Variants in DLL4 observed in about 807,000 individuals in gnomAD.
The protein encoded by DLL4 is delta like canonical Notch ligand 4, also known as delta-like protein 4.
Under a neutral mutation model 73.6 loss-of-function variants are expected in DLL4, and 7 were observed. The ratio of observed to expected loss-of-function variants is 0.10; its 90% CI spans 0.05 to 0.18. The LOEUF is 0.18. Ranked by LOEUF, DLL4 falls within the 10% of genes least tolerant of loss-of-function variation. The probability of loss-of-function intolerance (pLI) is 1.00; values close to 1 mark genes in which losing one functional copy is unlikely to be tolerated. For synonymous variants in DLL4, 345 were observed against 374.3 expected (o/e 0.92, Z 0.90); for missense variants, 614 against 929.9 (o/e 0.66, Z 4.42).
In DLL4 at chr15:40,929,367, A is replaced by C; in HGVS notation, c.-302A>C. On this transcript the variant is annotated 5_prime_UTR_variant, in exon 1 of 11. Transcript: ENST00000249749. The surrounding 1 kb of genome is among the most constrained non-coding windows in gnomAD (Gnocchi z 7.1). ...TAGCGGCGCTGCGCGCAGGCCGGGA[A>C]CACGAGGCCAAGAGCCGCAGCCCCA... 5.0e-6 allele frequency: 2 copies of C among 403,752 alleles called. No individual in the cohort carries two copies. The highest frequency in any genetic ancestry group is 4.4e-6 in the Non-Finnish European group (1 of 228,384). 25.0% of individuals were successfully genotyped at this position (403,752 alleles called of 1,614,324 possible).
chr15:40,930,822 G>T lies in DLL4; in HGVS notation c.394+140G>T. 1.2e-6 allele frequency: 1 copy of T among 845,938 alleles called. No individual in the cohort carries two copies. Among genetic ancestry groups the T allele is most frequent in the Admixed American group, 2.5e-5 (1 of 40,674 alleles). 52.4% of individuals were successfully genotyped at this position (845,938 alleles called of 1,614,324 possible). A position where few individuals can be genotyped will look rare whatever the true frequency, so the allele number is the denominator to read the frequency against. On this transcript the variant is annotated intron_variant, in intron 3 of 10. Coordinates refer to ENST00000249749, the MANE Select transcript of DLL4 (RefSeq NM_019074.4). The surrounding 1 kb of genome is among the most constrained non-coding windows in gnomAD (Gnocchi z 5.7). ...TGGCCTGGAGCTGCGCCCCGCGCTG[G>T]ACGCTCGGATTCCGCTCGCTGCCTG... is the stretch of plus-strand genomic sequence containing the variant.
chr15:40,930,807 C>G lies in DLL4; in HGVS notation c.394+125C>G. ...GCAGGACGCTTAGCTTGGCCTGGAG[C>G]TGCGCCCCGCGCTGGACGCTCGGAT... is the stretch of plus-strand genomic sequence containing the variant. On this transcript the variant is annotated intron_variant, in intron 3 of 10. Coordinates refer to ENST00000249749, the MANE Select transcript of DLL4 (RefSeq NM_019074.4). This position sits in a 1 kb window ranked among gnomAD's most constrained non-coding sequence, Gnocchi z 5.7. 4 of 960,674 alleles carry G rather than the reference C, an allele frequency of 4.2e-6. No individual in the cohort carries two copies. The highest frequency in any genetic ancestry group is 6.3e-6 in the Non-Finnish European group (4 of 630,208). The allele number at this position is 960,674 out of a possible 1,614,324, so 59.5% of individuals were successfully genotyped here.
chr15:40,930,010 G>C lies in DLL4; in HGVS notation c.230G>C (p.Gly77Ala), dbSNP rs1566877825. ...GTCTCGCCCGGACCCTGCACCTTCGGGACCGTCTCCACGCCGGTATTGGGC... is the reference window on the plus strand; with the variant it reads ...GTCTCGCCCGGACCCTGCACCTTCGCGACCGTCTCCACGCCGGTATTGGGC... ...AVVSPGPCTFGTVSTPVLGTN... is the reference protein window; with the variant it reads ...AVVSPGPCTFATVSTPVLGTN... The change falls in exon 2 of 11, where the codon GGG (glycine) becomes GCG (alanine). Residue 77 changes from glycine to alanine, a missense_variant. By Grantham distance (60) the Gly-to-Ala change is moderately conservative. Around this residue, in one of 3 missense-constraint regions of DLL4, gnomAD observed 227 missense variants for 370.8 expected, o/e 0.61. Coordinates refer to ENST00000249749, the MANE Select transcript of DLL4 (RefSeq NM_019074.4). This position sits in a 1 kb window ranked among gnomAD's most constrained non-coding sequence, Gnocchi z 5.7. 2 of 1,612,968 alleles carry C rather than the reference G, an allele frequency of 1.2e-6. No individual in the cohort carries two copies. The highest frequency in any genetic ancestry group is 1.7e-6 in the Non-Finnish European group (2 of 1,179,708).
Position 40,930,155 on chromosome 15 carries a change from C to G in DLL4, c.336+39C>G, listed in dbSNP as rs764616123. The stretch of plus-strand genomic sequence containing the variant: ...GGGCGCACTGGGAGGTCGCAGAAGC[C>G]GAGAGAGGAGGCGCCCTGGGACCAA... On this transcript the variant is annotated intron_variant, in intron 2 of 10. Coordinates refer to ENST00000249749, the MANE Select transcript of DLL4 (RefSeq NM_019074.4). This position sits in a 1 kb window ranked among gnomAD's most constrained non-coding sequence, Gnocchi z 5.7. 2.5e-6 allele frequency: 4 copies of G among 1,589,538 alleles called. No homozygotes were observed. The East Asian group carries it at 9.1e-5, about 36-fold the overall frequency.
chr15:40,929,972 C>T lies in DLL4; in HGVS notation c.192C>T (p.His64=). The T allele has an allele frequency of 6.2e-7, 1 of 1,613,316 alleles. No homozygotes were observed. The highest frequency in any genetic ancestry group is 1.1e-5 in the South Asian group (1 of 91,066). Residue 64 remains histidine (H), a synonymous_variant, in exon 2 of 11, where the codon CAC becomes CAT. Coordinates refer to ENST00000249749, the MANE Select transcript of DLL4 (RefSeq NM_019074.4). This position sits in a 1 kb window ranked among gnomAD's most constrained non-coding sequence, Gnocchi z 7.1. ...CRTFFRVCLK[H]FQAVVSPGPC... ...CTTTCTTCCGCGTCTGCCTTAAGCACTTCCAGGCGGTCGTCTCGCCCGGAC... is the reference window on the plus strand; with the variant it reads ...CTTTCTTCCGCGTCTGCCTTAAGCATTTCCAGGCGGTCGTCTCGCCCGGAC...
Position 40,937,519 on chromosome 15 carries a change from C to T in DLL4, c.2045C>T (p.Ala682Val), listed in dbSNP as rs2140372115. ...ISEERNECVI[A>V]TEV ...GAGGAGAGGAATGAATGTGTCATTG[C>T]CACGGAGGTGAGTGCTGGGCTCGCC... is the stretch of plus-strand genomic sequence containing the variant. The change falls in exon 10 of 11, where the codon GCC becomes GTC. Residue 682 changes from alanine (A) to valine (V), a missense_variant. This residue lies in a region of DLL4 where 386 missense variants were observed against 541.3 expected (regional missense o/e 0.71). Transcript: ENST00000249749. 2.5e-6 allele frequency: 4 copies of T among 1,607,362 alleles called. No homozygotes were observed. Among genetic ancestry groups the T allele is most frequent in the Non-Finnish European group, 3.4e-6 (4 of 1,173,808 alleles).
Position 40,934,911 on chromosome 15 carries a change from G to A in DLL4, c.1034G>A (p.Gly345Asp), listed in dbSNP as rs1892821342. 3.1e-6 allele frequency: 5 copies of A among 1,613,594 alleles called. No individual in the cohort carries two copies. The highest frequency in any genetic ancestry group is 4.2e-6 in the Non-Finnish European group (5 of 1,179,846). ...NGGSCKDQED[G>D]YHCLCPPGYY... ...GTCTCTCTCCAGGACCAGGAGGATG[G>A]CTACCACTGCCTGTGTCCTCCGGGC... The change falls in exon 8 of 11, where the codon GGC (glycine) becomes GAC (aspartate). Residue 345 changes from glycine (G) to aspartate (D), a missense_variant. By Grantham distance (94) the Gly-to-Asp change is moderately conservative (BLOSUM62 -1). Coordinates refer to ENST00000249749, the MANE Select transcript of DLL4 (RefSeq NM_019074.4).
chr15:40,930,040 A>G lies in DLL4; in HGVS notation c.260A>G (p.Asn87Ser), dbSNP rs2140368474. ...GTCTCCACGCCGGTATTGGGCACCA[A>G]CTCCTTCGCTGTCCGGGACGACAGT... The part of the protein sequence containing the change: ...GTVSTPVLGT[N>S]SFAVRDDSSG... The change falls in exon 2 of 11, where the codon AAC becomes AGC. Residue 87 changes from asparagine to serine, a missense_variant. Physicochemically the swap from Asn to Ser is conservative, Grantham distance 46 (BLOSUM62 1). Coordinates refer to ENST00000249749, the MANE Select transcript of DLL4 (RefSeq NM_019074.4). This position sits in a 1 kb window ranked among gnomAD's most constrained non-coding sequence, Gnocchi z 5.7. The G allele has an allele frequency of 6.2e-7, 1 of 1,611,776 alleles. No individual in the cohort carries two copies. The highest frequency in any genetic ancestry group is 1.7e-5 in the Admixed American group (1 of 59,828).
chr15:40,937,297 G>A (rs1343672235), intron 9 of DLL4, 121 bp from the exon 10 acceptor site: 4 of 764,444 alleles, frequency 5.2e-6, no homozygotes, highest in South Asian at 1.5e-5. Context: ...CACTGGGCAC[G>A]TCCAGCCCCT....
In DLL4 at chr15:40,936,418, G is replaced by T. The variant is rs540754224; in HGVS notation, c.1431G>T (p.Val477=). The part of the protein sequence containing the change: ...PAGFSGRRCE[V]RTSIDACASS... ...GCTTCTCTGGCCGACGCTGTGAGGT[G>T]CGGACATCCATCGATGCCTGTGCCT... is the stretch of plus-strand genomic sequence containing the variant. The change falls in exon 9 of 11, where the codon GTG becomes GTT. Residue 477 remains valine (V), a synonymous_variant. Coordinates refer to ENST00000249749, the MANE Select transcript of DLL4 (RefSeq NM_019074.4). The T allele has an allele frequency of 1.9e-6, 3 of 1,611,618 alleles. No homozygotes were observed. In the Admixed American group the frequency reaches 5.0e-5, roughly 27 times the overall value.
Position 40,929,660 on chromosome 15 carries a change from C to A in DLL4, c.-9C>A. 1 of 1,533,326 alleles carries A rather than the reference C, an allele frequency of 6.5e-7. No individual in the cohort carries two copies. Among genetic ancestry groups the A allele is most frequent in the Non-Finnish European group, 8.7e-7 (1 of 1,150,194 alleles). The allele number at this position is 1,533,326 out of a possible 1,614,324, so 95.0% of individuals were successfully genotyped here. On this transcript the variant is annotated 5_prime_UTR_variant, in exon 1 of 11. Transcript: ENST00000249749. This position sits in a 1 kb window ranked among gnomAD's most constrained non-coding sequence, Gnocchi z 7.1. The stretch of plus-strand genomic sequence containing the variant: ...GGGCCCGCGGGTGGAGAGAGCGACG[C>A]CCGAGGGGATGGCGGCAGCGTCCCG...
chr15:40,930,731 G>GAAAGAGTT lies in DLL4; in HGVS notation c.394+52_394+59dup. The GAAAGAGTT allele has an allele frequency of 2.5e-6, 4 of 1,578,176 alleles. No homozygotes were observed. Among genetic ancestry groups the GAAAGAGTT allele is most frequent in the Non-Finnish European group, 3.5e-6 (4 of 1,149,734 alleles). ...CAGGGGGGCGACACGGCGCAGCGCC[G>GAAAGAGTT]AAAGAGTTAATCTGTTCTAGGCGGG... On this transcript the variant is annotated intron_variant, in intron 3 of 10. Transcript: ENST00000249749. This position sits in a 1 kb window ranked among gnomAD's most constrained non-coding sequence, Gnocchi z 5.7.
intron 6 of DLL4, among the ~76,000 whole-genome samples, chr15:40,933,009 G>A (rs935623253): frequency 6.6e-6 from 1 of 152,238 alleles, no homozygotes; most frequent in Admixed American, 6.5e-5. Flanking sequence ...TCTACCTGGT[G>A]TTTAGGGGTA....
At chr15:40,937,636 AG>A in intron 10 of DLL4, 110 bp downstream of exon 10, 1 of 834,786 alleles carries the variant, frequency 1.2e-6, no homozygotes, top group Non-Finnish European at 2.1e-6. Context: ...CTGCCTTGGC[AG>A]GCCAAGTTCA....
At chr15:40,933,474 A>G (rs1369477302) in intron 6 of DLL4, among the ~76,000 whole-genome samples, 3 of 152,124 alleles carry the variant, frequency 2.0e-5, no homozygotes, top group East Asian at 1.9e-4. Flanking sequence ...TGTCCTTCCC[A>G]AATAAAAAAA....
At chr15:40,931,161 C>T (rs1432630684) in intron 3 of DLL4, 1 of 425,486 alleles carries the variant, frequency 2.4e-6, no homozygotes, top group East Asian at 4.2e-5. Flanking sequence ...CCTCTCTAGC[C>T]TGGGGAGCTT....
chr15:40,931,712 C>G lies in DLL4; in HGVS notation c.604C>G (p.Pro202Ala). The change falls in exon 4 of 11, where the codon CCA (proline) becomes GCA (alanine). Residue 202 changes from proline (P) to alanine (A), a missense_variant. Coordinates refer to ENST00000249749, the MANE Select transcript of DLL4 (RefSeq NM_019074.4). ...CCACTTCGGCCACTATGTGTGCCAG[C>G]CAGATGGCAACTTGTCCTGCCTGCC... Reference protein sequence around the residue: ...NDHFGHYVCQPDGNLSCLPGW... With the variant: ...NDHFGHYVCQADGNLSCLPGW... 1.9e-6 allele frequency: 3 copies of G among 1,613,844 alleles called. No individual in the cohort carries two copies. The highest frequency in any genetic ancestry group is 2.5e-6 in the Non-Finnish European group (3 of 1,179,878).
intron 4 of DLL4, 81 bp downstream of exon 4, chr15:40,931,847 C>T (rs1342600333): frequency 5.2e-6 from 8 of 1,551,904 alleles, no homozygotes; most frequent in Non-Finnish European, 7.0e-6. Flanking sequence ...CACAGCTTGC[C>T]TCCCTTGAAG....
chr15:40,936,939 C>A lies in DLL4; in HGVS notation c.1943+9C>A. ...CCACTGCGGTTACACAGGTGAGTGG[C>A]ACCCAGAAGCCCAGGGCCTGGCCAC... On this transcript the variant is annotated intron_variant, in intron 9 of 10. Coordinates refer to ENST00000249749, the MANE Select transcript of DLL4 (RefSeq NM_019074.4). The A allele has an allele frequency of 1.9e-6, 3 of 1,571,944 alleles. No individual in the cohort carries two copies. The highest frequency in any genetic ancestry group is 2.6e-6 in the Non-Finnish European group (3 of 1,160,302).
Sources: allele counts gnomAD v4.1 joint callset (sites outside exome capture counted in the v4.1 genomes callset), GRCh38; gene constraint gnomAD v4.1.1; regional missense constraint gnomAD v4.1.1; non-coding constraint Gnocchi (gnomAD v3.1); transcripts MANE v1.5; gene names NCBI Gene and HGNC (gene_info 2026-07-23, HGNC 2026-07-21).